Variants in RAPGEF4 observed in about 807,000 individuals in gnomAD.
The protein encoded by RAPGEF4 is RAP guanine-nucleotide-exchange factor (GEF) 4.
In RAPGEF4, 66 loss-of-function variants were observed where a neutral mutation model predicts 147.9. The ratio of observed to expected loss-of-function variants is 0.45; its 90% CI spans 0.37 to 0.55. RAPGEF4 has a LOEUF of 0.55. RAPGEF4 is among the 20% of genes least tolerant of loss of function. The pLI is 0.00. For missense variants in RAPGEF4, 1,071 were observed against 1,257.3 expected, an observed-to-expected ratio of 0.85 and a Z score of 2.24; for synonymous variants, 419 against 442.7, an observed-to-expected ratio of 0.95 and a Z score of 0.67.
At chr2:172,951,064 A>G (rs1316326254) in intron 6 of RAPGEF4, among the ~76,000 whole-genome samples, 1 of 152,274 alleles carries the variant, frequency 6.6e-6, no homozygotes, top group African/African-American at 2.4e-5. Flanking sequence ...CATGGGCTTC[A>G]TGCAGTCATT....
intron 4 of RAPGEF4, among the ~76,000 whole-genome samples, chr2:172,890,242 C>A (rs1489067868): frequency 1.3e-5 from 2 of 152,198 alleles, no homozygotes; most frequent in African/African-American, 4.8e-5. Context: ...AAGTTGATGA[C>A]TGATAAGAGC....
chr2:172,949,033 G>A (rs1426630620), intron 6 of RAPGEF4, among the ~76,000 whole-genome samples: 4 of 152,188 alleles, frequency 2.6e-5, no homozygotes, highest in African/African-American at 4.8e-5. Flanking sequence ...GAAGGGAAAT[G>A]TTATTCCTAG....
At chr2:173,006,238 A>T (rs920740883) in intron 17 of RAPGEF4, among the ~76,000 whole-genome samples, 1 of 152,242 alleles carries the variant, frequency 6.6e-6, no homozygotes, top group Non-Finnish European at 1.5e-5. Context: ...CTGTGATAAC[A>T]TCATTAGCAT....
At chr2:172,797,667 A>T (rs759988103) in intron 3 of RAPGEF4, 54 bp downstream of exon 3, 238 of 1,333,880 alleles carry the variant, frequency 1.8e-4, no homozygotes, top group Non-Finnish European at 2.4e-4. Flanking sequence ...AAGACTTATT[A>T]TCCCTATGTC....
intron 4 of RAPGEF4, among the ~76,000 whole-genome samples, chr2:172,872,661 G>T (rs550740827): frequency 6.6e-6 from 1 of 151,988 alleles, no homozygotes; most frequent in African/African-American, 2.4e-5. Context: ...TTCCCCCCTC[G>T]CTCCCTCTCT....
chr2:172,988,121 A>C (rs1055183452), intron 12 of RAPGEF4, 75 bp from the exon 13 acceptor site: 13 of 1,479,070 alleles, frequency 8.8e-6, no homozygotes, highest in Admixed American at 5.3e-5. Flanking sequence ...ACTTAAAGTG[A>C]TGATTTGATA....
At chr2:173,036,461 T>G (rs1001066988) in intron 28 of RAPGEF4, among the ~76,000 whole-genome samples, 167 bp from the exon 29 acceptor site, 1 of 152,226 alleles carries the variant, frequency 6.6e-6, no homozygotes, top group Non-Finnish European at 1.5e-5. Flanking sequence ...TACTCTCAGG[T>G]GAAGTGATTT....
At chr2:172,892,555 G>C (rs1698043819) in intron 4 of RAPGEF4, among the ~76,000 whole-genome samples, 1 of 152,244 alleles carries the variant, frequency 6.6e-6, no homozygotes, top group African/African-American at 2.4e-5. Context: ...GGCAGAGGGA[G>C]TTAGTGCTTC....
intron 4 of RAPGEF4, among the ~76,000 whole-genome samples, chr2:172,911,910 G>T (rs1700134488): frequency 1.3e-5 from 2 of 151,766 alleles, no homozygotes; most frequent in South Asian, 4.2e-4. Flanking sequence ...CGGATTACAG[G>T]TACACGCCAC....
chr2:172,806,849 C>T (rs915241694), intron 3 of RAPGEF4, among the ~76,000 whole-genome samples: 2 of 152,180 alleles, frequency 1.3e-5, no homozygotes, highest in Non-Finnish European at 2.9e-5. Context: ...TTTGCCTTCT[C>T]TTTTTTCCTT....
At chr2:172,806,481 C>T (rs1422108121) in intron 3 of RAPGEF4, among the ~76,000 whole-genome samples, 1 of 152,148 alleles carries the variant, frequency 6.6e-6, no homozygotes, top group East Asian at 1.9e-4. Flanking sequence ...CTTAAATGAG[C>T]TGATGTATGT....
intron 1 of RAPGEF4, among the ~76,000 whole-genome samples, chr2:172,759,659 C>G (rs1696108614): frequency 6.6e-6 from 1 of 152,184 alleles, no homozygotes; most frequent in Non-Finnish European, 1.5e-5. Flanking sequence ...GAAACATATC[C>G]TCTTAGGAGA....
intron 1 of RAPGEF4, among the ~76,000 whole-genome samples, chr2:172,794,167 C>T (rs1202080008): frequency 2.6e-5 from 4 of 151,790 alleles, no homozygotes; most frequent in African/African-American, 7.3e-5. Context: ...CACCTGAGGT[C>T]GGGAGTTCAA....
intron 4 of RAPGEF4, among the ~76,000 whole-genome samples, chr2:172,864,730 C>G (rs1459483756): frequency 1.3e-5 from 2 of 152,172 alleles, no homozygotes; most frequent in African/African-American, 4.8e-5. Context: ...ATGGCAAAAC[C>G]CTGTCTCTAC....
chr2:173,030,288 G>C, intron 26 of RAPGEF4, 34 bp downstream of exon 26: 1 of 1,529,044 alleles, frequency 6.5e-7, no homozygotes, highest in Non-Finnish European at 9.1e-7. Flanking sequence ...TGTGACTTTT[G>C]CCTTAGGAAT....
At chr2:172,772,238 A>G (rs1683693351) in intron 1 of RAPGEF4, among the ~76,000 whole-genome samples, 1 of 152,224 alleles carries the variant, frequency 6.6e-6, no homozygotes. Context: ...ACTCTGTCTC[A>G]AAGATAATTT....
intron 4 of RAPGEF4, among the ~76,000 whole-genome samples, chr2:172,844,763 G>GTGTTTT (rs1444315793): frequency 2.6e-5 from 4 of 152,242 alleles, no homozygotes; most frequent in East Asian, 3.9e-4. Flanking sequence ...CCTAAGGCCT[G>GTGTTTT]TGTTTTTGTT....
rs1487581200 is a variant in RAPGEF4 at position 172,917,869 on chromosome 2, A to G, written c.512A>G (p.Asn171Ser). The change falls in exon 5 of 31, where the codon AAT becomes AGT. Residue 171 changes from asparagine to serine, a missense_variant. Coordinates refer to ENST00000397081, the MANE Select transcript of RAPGEF4 (RefSeq NM_007023.4). ...PYGVMETGSN[N>S]DRIPDKENTP... is the part of the protein sequence containing the mutation. ...GGTGTTATGGAAACGGGCTCTAACA[A>G]TGACAGTAAGTGGAAAATGTGAACA... The G allele has an allele frequency of 5.0e-6, 8 of 1,612,672 alleles. No homozygotes were observed. The highest frequency in any genetic ancestry group is 1.1e-5 in the South Asian group (1 of 91,052).
intron 4 of RAPGEF4, among the ~76,000 whole-genome samples, chr2:172,825,622 C>G (rs1689587196): frequency 6.6e-6 from 1 of 152,158 alleles, no homozygotes; most frequent in Admixed American, 6.5e-5. Context: ...TATGTGAATG[C>G]TTTATATGAT....
Sources: gnomAD v4.1 joint callset for allele counts (sites outside exome capture counted in the v4.1 genomes callset) on GRCh38, gnomAD v4.1.1 for gene constraint, MANE v1.5 for transcripts, NCBI Gene and HGNC (gene_info 2026-07-23, HGNC 2026-07-21) for gene names.